Variants in DMTF1 observed in about 807,000 individuals in gnomAD.
The protein encoded by DMTF1 is cyclin D binding myb like transcription factor 1.
Under a neutral mutation model 91.1 loss-of-function variants are expected in DMTF1, and 39 were observed. The ratio of observed to expected loss-of-function variants is 0.43; its 90% CI spans 0.33 to 0.56. The LOEUF is 0.56. Among genes scored for constraint, DMTF1 ranks in the 20% least tolerant of loss-of-function variants. DMTF1 has a pLI of 0.05. For missense variants in DMTF1, 750 were observed against 914.5 expected, an observed-to-expected ratio of 0.82 and a Z score of 2.32; for synonymous variants, 338 against 309.5, an observed-to-expected ratio of 1.09 and a Z score of -0.97.
intron 4 of DMTF1, 101 bp downstream of exon 4, chr7:87,166,706 C>CT: frequency 1.7e-6 from 2 of 1,163,180 alleles, no homozygotes; most frequent in Non-Finnish European, 2.5e-6. Flanking sequence ...GGACTTACTG[C>CT]TTTTTTCTTC....
At chr7:87,191,811 T>C (rs566525649) in intron 14 of DMTF1, among the ~76,000 whole-genome samples, 2 of 152,214 alleles carry the variant, frequency 1.3e-5, no homozygotes, top group South Asian at 4.2e-4. Flanking sequence ...CTGAATGCCC[T>C]TTCTAAAACA....
chr7:87,190,304 T>TAA (rs542481014), intron 13 of DMTF1, among the ~76,000 whole-genome samples: 2 of 146,498 alleles, frequency 1.4e-5, no homozygotes, highest in East Asian at 2.0e-4. Context: ...GCAGGACAGG[T>TAA]AAAAAAAAAA....
intron 1 of DMTF1, among the ~76,000 whole-genome samples, chr7:87,161,340 A>C (rs1194072537): frequency 6.6e-6 from 1 of 152,184 alleles, no homozygotes; most frequent in Non-Finnish European, 1.5e-5. Context: ...TCTACTAAAA[A>C]AATACCAAAA....
chr7:87,194,050 A>G lies in DMTF1; in HGVS notation c.1976A>G (p.Asp659Gly). The G allele has an allele frequency of 1.2e-6, 2 of 1,611,280 alleles. No homozygotes were observed. The highest frequency in any genetic ancestry group is 1.1e-5 in the South Asian group (1 of 90,546). The change falls in exon 16 of 18, where the codon GAC becomes GGC. Residue 659 changes from aspartate to glycine, a missense_variant. Transcript: ENST00000331242. ...ACAGAAGAAGAAATCTCTGACACCG[A>G]CCTTAAACAAGAGGAATCACCCTCT... ...VRTEEEISDT[D>G]LKQEESPSDL... is the part of the protein sequence containing the mutation.
chr7:87,170,662 C>A (rs769053198), intron 4 of DMTF1, among the ~76,000 whole-genome samples: 6 of 152,200 alleles, frequency 3.9e-5, no homozygotes, highest in Non-Finnish European at 8.8e-5. Context: ...CCAACACATT[C>A]CCTTTCCTGT....
At chr7:87,171,428 C>A (rs974775938) in intron 5 of DMTF1, among the ~76,000 whole-genome samples, 1 of 152,014 alleles carries the variant, frequency 6.6e-6, no homozygotes, top group African/African-American at 2.4e-5. Context: ...AGTTAAAAAC[C>A]CCCTCAGAAA....
chr7:87,187,521 CAG>C (rs1798722571), intron 12 of DMTF1: 2 of 153,034 alleles, frequency 1.3e-5, no homozygotes, highest in Admixed American at 1.3e-4. Flanking sequence ...GCCTGAGCAA[CAG>C]AGCAAGACCT....
At chr7:87,175,536 TG>T (rs1159344288) in intron 7 of DMTF1, among the ~76,000 whole-genome samples, 29 of 152,214 alleles carry the variant, frequency 1.9e-4, no homozygotes, top group Admixed American at 1.9e-3. Context: ...GTGATCCATT[TG>T]GGCAGACTGG....
chr7:87,171,737 G>A (rs1434058202), intron 5 of DMTF1, among the ~76,000 whole-genome samples: 1 of 152,084 alleles, frequency 6.6e-6, no homozygotes, highest in Non-Finnish European at 1.5e-5. Context: ...CTTAATAGAT[G>A]CATAAAGTAG....
intron 4 of DMTF1, among the ~76,000 whole-genome samples, chr7:87,169,494 T>C (rs1794607800): frequency 6.6e-6 from 1 of 152,124 alleles, no homozygotes; most frequent in Admixed American, 6.5e-5. Flanking sequence ...TCACTTTTGG[T>C]TCTTACTCAA....
At chr7:87,168,748 C>G (rs1176562578) in intron 4 of DMTF1, among the ~76,000 whole-genome samples, 3 of 152,260 alleles carry the variant, frequency 2.0e-5, no homozygotes, top group Admixed American at 2.0e-4. Context: ...CACTCTAATT[C>G]CTGATCATTA....
intron 1 of DMTF1, among the ~76,000 whole-genome samples, chr7:87,161,250 C>T (rs1792304280): frequency 6.6e-6 from 1 of 152,158 alleles, no homozygotes; most frequent in Non-Finnish European, 1.5e-5. Context: ...GTAATCCCAA[C>T]ACTTTGGGAG....
chr7:87,177,348 TTTTAA>T (rs1294959472), intron 7 of DMTF1, among the ~76,000 whole-genome samples: 4 of 152,146 alleles, frequency 2.6e-5, no homozygotes, highest in Non-Finnish European at 4.4e-5. Context: ...TTAATTATGG[TTTTAA>T]TTTATTTCTC....
chr7:87,153,081 C>T (rs1789637917), intron 1 of DMTF1: 2 of 152,438 alleles, frequency 1.3e-5, no homozygotes, highest in Non-Finnish European at 2.9e-5. Context: ...TGGGTCTCGA[C>T]CCAACTTCCC....
chr7:87,155,933 A>C (rs1689804787), intron 1 of DMTF1, among the ~76,000 whole-genome samples: 1 of 152,080 alleles, frequency 6.6e-6, no homozygotes, highest in South Asian at 2.1e-4. Context: ...GTCAAAGCTG[A>C]TTCATTCACT....
At chr7:87,181,249 T>C (rs934254959) in intron 8 of DMTF1, 60 bp from the exon 9 acceptor site, 2 of 786,376 alleles carry the variant, frequency 2.5e-6, no homozygotes, top group African/African-American at 1.7e-5. Context: ...CTGATTTTTA[T>C]TGAGGTTTTT....
At chr7:87,181,382 G>A in intron 9 of DMTF1, 41 bp downstream of exon 9, 2 of 977,476 alleles carry the variant, frequency 2.0e-6, no homozygotes, top group East Asian at 2.5e-5. Flanking sequence ...AATTTTTTAT[G>A]TCTTACGTCC....
intron 10 of DMTF1, among the ~76,000 whole-genome samples, chr7:87,183,046 T>A (rs770335596): frequency 3.3e-5 from 5 of 152,170 alleles, no homozygotes; most frequent in Non-Finnish European, 4.4e-5. Context: ...TTAGCCATAA[T>A]GTTCTCTGAA....
At chr7:87,186,112 TTCTC>T (rs1320266466) in intron 12 of DMTF1, 132 bp downstream of exon 12, 66 of 922,434 alleles carry the variant, frequency 7.2e-5, no homozygotes, top group Non-Finnish European at 9.6e-5. Flanking sequence ...ACTTCCCTGT[TTCTC>T]TCAGTAATTG....
Sources: allele counts gnomAD v4.1 joint callset (sites outside exome capture counted in the v4.1 genomes callset), GRCh38; gene constraint gnomAD v4.1.1; transcripts MANE v1.5; gene names NCBI Gene and HGNC (gene_info 2026-07-23, HGNC 2026-07-21).